PDGFD: variants seen among roughly 807,000 people sequenced by gnomAD.
The protein encoded by PDGFD is platelet-derived growth factor D.
PDGFD carries 30 observed loss-of-function variants against 44.7 expected under a neutral mutation model. The observed-to-expected ratio is 0.67, with a 90% CI of 0.50 to 0.91. The LOEUF (loss-of-function observed/expected upper bound fraction) is 0.91. Among genes scored for constraint, PDGFD ranks in the 40% least tolerant of loss-of-function variants. PDGFD has a pLI of 0.00. For synonymous variants in PDGFD, 173 were observed against 168.4 expected, an observed-to-expected ratio of 1.03 and a Z score of -0.21; for missense variants, 445 against 457.8, an observed-to-expected ratio of 0.97 and a Z score of 0.25.
intron 6 of PDGFD, among the ~76,000 whole-genome samples, chr11:103,916,200 A>C (rs1311422370): frequency 6.6e-6 from 1 of 152,204 alleles, no homozygotes; most frequent in African/African-American, 2.4e-5. Context: ...CGATCTGACA[A>C]AGGCTAATAT....
At chr11:104,031,750 C>T (rs1189188325) in intron 1 of PDGFD, among the ~76,000 whole-genome samples, 1 of 152,100 alleles carries the variant, frequency 6.6e-6, no homozygotes, top group Non-Finnish European at 1.5e-5. Context: ...ACCCAAATGC[C>T]CAACAATGAT....
chr11:103,917,655 T>C (rs573128990), intron 6 of PDGFD, among the ~76,000 whole-genome samples: 100 of 152,298 alleles, frequency 6.6e-4, no homozygotes, highest in African/African-American at 2.2e-3. Context: ...GGTATCATTA[T>C]GCCCACTTTA....
intron 1 of PDGFD, among the ~76,000 whole-genome samples, chr11:104,094,432 G>C (rs1045979723): frequency 1.3e-5 from 2 of 151,922 alleles, no homozygotes; most frequent in Non-Finnish European, 2.9e-5. Context: ...ATGTATATCT[G>C]AGCATCAAAA....
intron 3 of PDGFD, among the ~76,000 whole-genome samples, chr11:103,975,027 G>T (rs969500111): frequency 6.6e-6 from 1 of 152,102 alleles, no homozygotes; most frequent in Non-Finnish European, 1.5e-5. Context: ...GGGATTCCTA[G>T]GTCAAGTGGC....
intron 3 of PDGFD, among the ~76,000 whole-genome samples, chr11:103,959,886 G>A (rs1336527459): frequency 6.6e-6 from 1 of 152,136 alleles, no homozygotes; most frequent in African/African-American, 2.4e-5. Flanking sequence ...AGGATAAATG[G>A]TAATTAAATG....
rs565445512 is a variant in PDGFD at position 104,153,365 on chromosome 11, G to C, written c.124+10439C>G. 5.9e-5 allele frequency among the ~76,000 whole-genome samples: 9 copies of C among 152,284 alleles called. No homozygotes were observed. In the East Asian group the frequency reaches 1.2e-3, roughly 20 times the overall value. ...TGCCAGCCAATGAAATGGACAGTGAGGATGTTCAGCTGTATTAAATACAGT... is the reference window on the plus strand; with the variant it reads ...TGCCAGCCAATGAAATGGACAGTGACGATGTTCAGCTGTATTAAATACAGT... On this transcript the variant is annotated intron_variant, in intron 1 of 6. Coordinates refer to ENST00000393158, the MANE Select transcript of PDGFD (RefSeq NM_025208.5).
chr11:104,009,304 T>G (rs1467827096), intron 1 of PDGFD, among the ~76,000 whole-genome samples: 1 of 152,098 alleles, frequency 6.6e-6, no homozygotes, highest in Non-Finnish European at 1.5e-5. Context: ...GCTCTTGGAT[T>G]TATTAAGCAA....
intron 1 of PDGFD, among the ~76,000 whole-genome samples, chr11:104,103,117 C>G (rs1861418719): frequency 6.6e-6 from 1 of 152,126 alleles, no homozygotes; most frequent in Admixed American, 6.6e-5. Flanking sequence ...TGGCCACAAA[C>G]AAGTCACTTA....
At position 104,002,239 on chromosome 11, in the gene PDGFD, T is replaced by C. The variant is rs113423133; in HGVS notation, c.125-1984A>G. Among the ~76,000 whole-genome samples the C allele has an allele frequency of 5.8e-3, 877 of 152,230 alleles. 10 individuals carry two copies. The highest frequency in any genetic ancestry group is 0.02 in the African/African-American group (832 of 41,548). On this transcript the variant is annotated intron_variant, in intron 1 of 6. Transcript: ENST00000393158. ...TTTGTCATAAGGGGCTTTTAGGCAA[T>C]GGGTCTTGATATGGTTTGGCTCTGT... is the stretch of plus-strand genomic sequence containing the variant.
At chr11:103,966,164 CT>C (rs1304165370) in intron 3 of PDGFD, among the ~76,000 whole-genome samples, 2 of 152,094 alleles carry the variant, frequency 1.3e-5, no homozygotes, top group Non-Finnish European at 2.9e-5. Context: ...CAGATGTTTC[CT>C]GATTAGTTAT....
chr11:104,127,566 C>T (rs1028380630), intron 1 of PDGFD, among the ~76,000 whole-genome samples: 2 of 152,104 alleles, frequency 1.3e-5, no homozygotes, highest in Non-Finnish European at 2.9e-5. Flanking sequence ...CAAAGAATAG[C>T]CTTTACCATC....
chr11:103,978,233 T>C (rs1021396420), intron 3 of PDGFD, among the ~76,000 whole-genome samples: 1 of 152,100 alleles, frequency 6.6e-6, no homozygotes, highest in African/African-American at 2.4e-5. Flanking sequence ...AAACCCAGTT[T>C]GCTGAGGGAA....
intron 1 of PDGFD, among the ~76,000 whole-genome samples, chr11:104,121,513 C>T (rs186981054): frequency 1.3e-5 from 2 of 152,000 alleles, no homozygotes. Flanking sequence ...TTTCAACGTA[C>T]TATAGTCCAA....
chr11:104,125,433 T>C (rs968321810), intron 1 of PDGFD, among the ~76,000 whole-genome samples: 1 of 152,152 alleles, frequency 6.6e-6, no homozygotes, highest in Non-Finnish European at 1.5e-5. Context: ...TATTTCTGTT[T>C]ATTATTATTA....
chr11:103,939,554 T>C (rs1483104758), intron 5 of PDGFD, among the ~76,000 whole-genome samples: 2 of 152,164 alleles, frequency 1.3e-5, no homozygotes, highest in African/African-American at 4.8e-5. Flanking sequence ...TATTTCCTTC[T>C]CCTGCCTGAT....
At chr11:103,989,755 T>A (rs1437185903) in intron 3 of PDGFD, among the ~76,000 whole-genome samples, 1 of 152,166 alleles carries the variant, frequency 6.6e-6, no homozygotes, top group East Asian at 1.9e-4. Context: ...TGAAATGAAG[T>A]CCCATTATAA....
chr11:104,073,913 T>C (rs1860915087), intron 1 of PDGFD, among the ~76,000 whole-genome samples: 1 of 152,188 alleles, frequency 6.6e-6, no homozygotes, highest in Non-Finnish European at 1.5e-5. Flanking sequence ...TTAGAACTAG[T>C]ACTTGGTAAA....
chr11:104,142,540 C>A (rs1425974545), intron 1 of PDGFD, among the ~76,000 whole-genome samples: 1 of 152,124 alleles, frequency 6.6e-6, no homozygotes, highest in African/African-American at 2.4e-5. Flanking sequence ...GCCTTACTAA[C>A]AACAGATGCT....
At chr11:103,940,790 T>C (rs1241121474) in intron 5 of PDGFD, among the ~76,000 whole-genome samples, 1 of 152,118 alleles carries the variant, frequency 6.6e-6, no homozygotes, top group African/African-American at 2.4e-5. Flanking sequence ...CAAAAATGCC[T>C]TAGGGCCATT....
Sources: allele counts gnomAD v4.1 joint callset (sites outside exome capture counted in the v4.1 genomes callset), GRCh38; gene constraint gnomAD v4.1.1; transcripts MANE v1.5; gene names NCBI Gene and HGNC (gene_info 2026-07-23, HGNC 2026-07-21).